NEK1: variants seen among roughly 807,000 people sequenced by gnomAD.
The protein encoded by NEK1 is serine/threonine-protein kinase Nek1.
Under a neutral mutation model 182.1 loss-of-function variants are expected in NEK1, and 137 were observed. The ratio of observed to expected loss-of-function variants is 0.75; its 90% confidence interval spans 0.65 to 0.87. NEK1 has a LOEUF of 0.87. Among genes scored for constraint, NEK1 ranks in the 40% least tolerant of loss-of-function variants. The pLI is 0.00. For synonymous variants in NEK1, 513 were observed against 492.2 expected, an observed-to-expected ratio of 1.04 and a Z score of -0.56; for missense variants, 1,391 against 1,494.4, an observed-to-expected ratio of 0.93 and a Z score of 1.14.
Position 169,477,276 on chromosome 4 carries a change from G to C in NEK1, c.2282C>G (p.Ser761Cys), listed in dbSNP as rs1747135446. The stretch of plus-strand genomic sequence containing the variant: ...ATGAACATTTATCTCAAAAGTATCA[G>C]AGAGATTCTGCTTTCCTTTTTCATC... The part of the protein sequence containing the change: ...QEDEKGKQNL[S>C]DTFEINVHED... The change falls in exon 26 of 36, where the codon TCT becomes TGT. Residue 761 changes from serine to cysteine, a missense_variant. Around this residue, in one of 5 missense-constraint regions of NEK1, gnomAD observed 1,216 missense variants for 1,277.6 expected, o/e 0.95. Transcript: ENST00000507142. The C allele has an allele frequency of 1.9e-6, 3 of 1,595,570 alleles. No individual in the cohort carries two copies. The highest frequency in any genetic ancestry group is 2.6e-6 in the Non-Finnish European group (3 of 1,169,336).
chr4:169,552,863 T>C (rs1248769902), intron 18 of NEK1, among the ~76,000 whole-genome samples: 1 of 152,110 alleles, frequency 6.6e-6, no homozygotes, highest in Non-Finnish European at 1.5e-5. Flanking sequence ...ATGTAATACA[T>C]AGGTTACAAA....
At chr4:169,570,560 G>A (rs1361864810) in intron 12 of NEK1, among the ~76,000 whole-genome samples, 2 of 149,214 alleles carry the variant, frequency 1.3e-5, no homozygotes, top group African/African-American at 4.9e-5. Context: ...AGGTGGGGGG[G>A]TCAGCCCCCC....
In NEK1 at chr4:169,555,561, G is replaced by T; in HGVS notation, c.1562+159C>A. The T allele has an allele frequency of 4.8e-6, 4 of 836,028 alleles. No homozygotes were observed. The South Asian group carries it at 6.2e-5, about 13-fold the overall frequency. The allele number at this position is 836,028 out of a possible 1,614,324, so 51.8% of individuals were successfully genotyped here. ...AGCTACATGCTTTCAGAGTAATCAA[G>T]GGCCAAATTTGCACCTCAGAAAATT... On this transcript the variant is annotated intron_variant, in intron 18 of 35. Coordinates refer to ENST00000507142, the MANE Select transcript of NEK1 (RefSeq NM_001199397.3).
At position 169,437,665 on chromosome 4, in the gene NEK1, T is replaced by C. The variant is rs541184040; in HGVS notation, c.2764+418A>G. 2.4e-4 allele frequency among the ~76,000 whole-genome samples: 36 copies of C among 152,246 alleles called. No homozygotes were observed. In the South Asian group the frequency reaches 6.6e-3, roughly 28 times the overall value. On this transcript the variant is annotated intron_variant, in intron 28 of 35. Transcript: ENST00000507142. Reference sequence around the variant, plus strand: ...AGACTATCCTGCCAGAAAGAGTACATAGAATAGCCCTGAAACCACATAAAG... The same window carrying C: ...AGACTATCCTGCCAGAAAGAGTACACAGAATAGCCCTGAAACCACATAAAG...
chr4:169,585,624 G>T, intron 9 of NEK1, 75 bp from the exon 10 acceptor site: 1 of 927,684 alleles, frequency 1.1e-6, no homozygotes, highest in Non-Finnish European at 1.6e-6. Context: ...ATGAGAAATA[G>T]TTCTTTTCCT....
At chr4:169,497,631 T>C (rs7667752) in intron 23 of NEK1, among the ~76,000 whole-genome samples, 42,848 of 152,070 alleles carry the variant, frequency 0.28, 8,574 homozygotes, top group African/African-American at 0.57. Context: ...TTTCAAAGAA[T>C]ATCTTTATTT....
At chr4:169,538,668 C>T (rs1021839151) in intron 18 of NEK1, among the ~76,000 whole-genome samples, 3 of 152,038 alleles carry the variant, frequency 2.0e-5, no homozygotes, top group Non-Finnish European at 4.4e-5. Context: ...CATAGCATGG[C>T]ATCAATTGTA....
intron 19 of NEK1, among the ~76,000 whole-genome samples, chr4:169,524,040 C>G (rs1170074569): frequency 6.6e-6 from 1 of 152,096 alleles, no homozygotes; most frequent in Non-Finnish European, 1.5e-5. Flanking sequence ...TTAAGTTATT[C>G]AACAGAAGAT....
At chr4:169,468,420 G>A (rs1745323925) in intron 26 of NEK1, among the ~76,000 whole-genome samples, 1 of 152,070 alleles carries the variant, frequency 6.6e-6, no homozygotes, top group South Asian at 2.1e-4. Context: ...CCCAGCATTT[G>A]TTAAAAACCA....
chr4:169,461,175 C>T (rs1185412824), intron 27 of NEK1, among the ~76,000 whole-genome samples: 1 of 152,154 alleles, frequency 6.6e-6, no homozygotes, highest in East Asian at 1.9e-4. Flanking sequence ...AGCCCATTCT[C>T]TTTCTACCAC....
In NEK1 at chr4:169,577,236, T is replaced by C. The variant is rs1765836068; in HGVS notation, c.869-157A>G. On this transcript the variant is annotated intron_variant, in intron 11 of 35. Transcript: ENST00000507142. ...TAATTCATCCCTTAGTATTTACTAA[T>C]GCCTTAACTATTTTACCCTAAAGTC... Among the ~76,000 whole-genome samples the C allele has an allele frequency of 2.0e-5, 3 of 152,158 alleles. No homozygotes were observed. The South Asian group carries it at 6.2e-4, about 31-fold the overall frequency.
chr4:169,506,947 C>A, intron 23 of NEK1, 90 bp downstream of exon 23: 19 of 730,220 alleles, frequency 2.6e-5, no homozygotes, highest in East Asian at 6.3e-5. Flanking sequence ...AAAAAAAAAG[C>A]ACAAGAAAAT....
chr4:169,530,756 CG>C (rs1253419551), intron 19 of NEK1, among the ~76,000 whole-genome samples: 2 of 149,666 alleles, frequency 1.3e-5, no homozygotes, highest in East Asian at 2.0e-4. Context: ...TAAGGGTTGG[CG>C]GGGGGTGATG....
intron 29 of NEK1, among the ~76,000 whole-genome samples, chr4:169,427,039 A>C (rs745622805): frequency 6.6e-6 from 1 of 152,196 alleles, no homozygotes; most frequent in Non-Finnish European, 1.5e-5. Flanking sequence ...CAAAAGTACC[A>C]GTAATTTATC....
chr4:169,445,809 G>A (rs948762910), intron 27 of NEK1, among the ~76,000 whole-genome samples: 1 of 148,558 alleles, frequency 6.7e-6, no homozygotes, highest in Non-Finnish European at 1.5e-5. Flanking sequence ...TAACAAACAT[G>A]CACATGCACC....
intron 11 of NEK1, among the ~76,000 whole-genome samples, chr4:169,579,289 T>C (rs765073942): frequency 6.6e-6 from 1 of 152,232 alleles, no homozygotes; most frequent in Non-Finnish European, 1.5e-5. Context: ...AATTCCTATA[T>C]GGGTTTATCC....
At chr4:169,565,606 A>G (rs10032236) in intron 12 of NEK1, among the ~76,000 whole-genome samples, 13,559 of 152,210 alleles carry the variant, frequency 0.089, 793 homozygotes, top group African/African-American at 0.16. Flanking sequence ...ATACAAACGA[A>G]TATTTGGCAA....
chr4:169,601,049 A>C (rs2150135732), intron 4 of NEK1, among the ~76,000 whole-genome samples: 1 of 152,350 alleles, frequency 6.6e-6, no homozygotes, highest in South Asian at 2.1e-4. Flanking sequence ...AGGTCCTGAA[A>C]AGGAAGAGTT....
Position 169,588,641 on chromosome 4 carries a change from T to C in NEK1, c.551+8A>G, listed in dbSNP as rs1175281104. On this transcript the variant is annotated splice_region_variant and intron_variant, in intron 8 of 35. Transcript: ENST00000507142. Reference sequence around the variant, plus strand: ...AATACATCACATAATGAATATCATTTTAAATACCTTTTATTATTGTAAGGT... The same window carrying C: ...AATACATCACATAATGAATATCATTCTAAATACCTTTTATTATTGTAAGGT... 12 of 1,495,618 alleles carry C rather than the reference T, an allele frequency of 8.0e-6. No individual in the cohort carries two copies. Among genetic ancestry groups the C allele is most frequent in the Non-Finnish European group, 1.1e-5 (12 of 1,098,386 alleles). 92.6% of individuals were successfully genotyped at this position (1,495,618 alleles called of 1,614,324 possible). A position where few individuals can be genotyped will look rare whatever the true frequency, so the allele number is the denominator to read the frequency against.
Sources: allele counts gnomAD v4.1 joint callset (sites outside exome capture counted in the v4.1 genomes callset), GRCh38; gene constraint gnomAD v4.1.1; regional missense constraint gnomAD v4.1.1; transcripts MANE v1.5; gene names NCBI Gene and HGNC (gene_info 2026-07-23, HGNC 2026-07-21).